Variants in SH3BGRL observed in about 807,000 individuals in gnomAD.
SH3BGRL encodes SH3 domain binding glutamate rich protein like.
In SH3BGRL, 7 loss-of-function variants were observed where a neutral mutation model predicts 9.8. The ratio of observed to expected loss-of-function variants is 0.72; its 90% CI spans 0.41 to 1.35. The LOEUF is 1.35. Ranked by LOEUF, SH3BGRL falls within the 40% of genes most tolerant of loss-of-function variation. The pLI is 0.01. For synonymous variants in SH3BGRL, 36 were observed against 29.1 expected (o/e 1.24, Z -0.76); for missense variants, 73 against 84.4 (o/e 0.86, Z 0.53).
chrX:81,203,645 A>T (rs2075536654), intron 1 of SH3BGRL, among the ~76,000 whole-genome samples: 1 of 111,716 alleles, frequency 9.0e-6, no homozygotes, highest in Non-Finnish European at 1.9e-5. Flanking sequence ...ACCCCTAATG[A>T]GACTGAACAG....
rs1356146555 is a variant in SH3BGRL at position 81,290,975 on chromosome X, T to A, written c.313-6220T>A. ...ATTTTTGCATTATTATACAACTGCT[T>A]CTCCAACTATGTATGCTATGTTTTT... On this transcript the variant is annotated intron_variant, in intron 3 of 3. Transcript: ENST00000373212. 3.6e-5 allele frequency among the ~76,000 whole-genome samples: 4 copies of A among 111,851 alleles called. No individual in the cohort carries two copies. The Admixed American group carries it at 3.8e-4, about 11-fold the overall frequency.
intron 1 of SH3BGRL, among the ~76,000 whole-genome samples, chrX:81,219,138 G>A (rs921784548): frequency 1.8e-4 from 20 of 110,177 alleles, no homozygotes; most frequent in African/African-American, 6.6e-4. Context: ...GTCACAAAAA[G>A]ATCATCACCT....
intron 1 of SH3BGRL, among the ~76,000 whole-genome samples, chrX:81,216,641 T>C (rs2075582138): frequency 9.0e-6 from 1 of 111,254 alleles, no homozygotes; most frequent in African/African-American, 3.3e-5. Flanking sequence ...TCTATCTCCA[T>C]GAGTTCAATT....
chrX:81,237,368 C>T lies in SH3BGRL; in HGVS notation c.45+35123C>T, dbSNP rs183227311. The T allele has an allele frequency of 4.3e-3, 1,274 of 294,392 alleles. 2 individuals carry two copies. Among genetic ancestry groups the T allele is most frequent in the South Asian group, 6.0e-3 (187 of 31,385 alleles). 24.3% of individuals were successfully genotyped at this position (294,392 alleles called of 1,213,427 possible). A position where few individuals can be genotyped will look rare whatever the true frequency, so the allele number is the denominator to read the frequency against. On this transcript the variant is annotated intron_variant, in intron 1 of 3. Coordinates refer to ENST00000373212, the MANE Select transcript of SH3BGRL (RefSeq NM_003022.3). ...AAAAACAGTCTTGAATCACCAGTGT[C>T]GCCCATAACTCCCTCCCCGACCAGC...
intron 1 of SH3BGRL, among the ~76,000 whole-genome samples, chrX:81,251,568 T>C (rs940023985): frequency 2.7e-5 from 3 of 111,618 alleles, no homozygotes; most frequent in African/African-American, 9.8e-5. Context: ...GTTAAACTGC[T>C]CTGAGAACTG....
intron 1 of SH3BGRL, among the ~76,000 whole-genome samples, chrX:81,220,240 C>A (rs1360926077): frequency 9.0e-6 from 1 of 111,160 alleles, no homozygotes; most frequent in African/African-American, 3.3e-5. Flanking sequence ...GCAGTGAAGC[C>A]CATCAGGTCC....
intron 1 of SH3BGRL, among the ~76,000 whole-genome samples, chrX:81,276,658 CAT>C (rs2075799140): frequency 9.0e-6 from 1 of 110,994 alleles, no homozygotes; most frequent in African/African-American, 3.3e-5. Context: ...TATCAGAAAA[CAT>C]AACTTTTCAC....
chrX:81,265,905 C>T (rs1438637772), intron 1 of SH3BGRL, among the ~76,000 whole-genome samples: 1 of 111,416 alleles, frequency 9.0e-6, no homozygotes, highest in Non-Finnish European at 1.9e-5. Flanking sequence ...GCCATTCTAA[C>T]TGGCGATCTC....
intron 1 of SH3BGRL, among the ~76,000 whole-genome samples, chrX:81,222,744 C>T (rs1362521196): frequency 9.0e-6 from 1 of 111,546 alleles, no homozygotes; most frequent in East Asian, 2.8e-4. Flanking sequence ...TGAGGAATCG[C>T]CACACTGACT....
intron 1 of SH3BGRL, among the ~76,000 whole-genome samples, chrX:81,211,325 C>T (rs960190105): frequency 3.6e-5 from 4 of 111,949 alleles, no homozygotes; most frequent in Admixed American, 1.9e-4. Context: ...TGGCTCACGC[C>T]TGTAATCTCA....
intron 3 of SH3BGRL, among the ~76,000 whole-genome samples, chrX:81,281,773 A>G (rs1327509682): frequency 8.9e-6 from 1 of 112,138 alleles, no homozygotes; most frequent in Non-Finnish European, 1.9e-5. Flanking sequence ...AAAAAACAAC[A>G]ATGAAAAAAT....
chrX:81,274,465 G>A (rs894968846), intron 1 of SH3BGRL, among the ~76,000 whole-genome samples: 3 of 110,433 alleles, frequency 2.7e-5, no homozygotes, highest in Non-Finnish European at 5.7e-5. Flanking sequence ...ACAAAAATTA[G>A]CCGGGTTTGG....
At chrX:81,278,472 C>A in intron 3 of SH3BGRL, 61 bp downstream of exon 3, 1 of 739,324 alleles carries the variant, frequency 1.4e-6, no homozygotes, top group Non-Finnish European at 2.0e-6. Flanking sequence ...CTTTTTTAAT[C>A]AGTAAGATTT....
chrX:81,270,147 C>A (rs1174176526), intron 1 of SH3BGRL, among the ~76,000 whole-genome samples: 1 of 110,815 alleles, frequency 9.0e-6, no homozygotes, highest in Non-Finnish European at 1.9e-5. Context: ...TTTTATCCTC[C>A]TTGTGATGGG....
In SH3BGRL at chrX:81,278,226, G is replaced by T. The variant is rs970819812; in HGVS notation, c.232-105G>T. 5.6e-6 allele frequency: 3 copies of T among 538,157 alleles called. No homozygotes were observed. The African/African-American group carries it at 7.2e-5, about 13-fold the overall frequency. The allele number at this position is 538,157 out of a possible 1,213,427, so 44.4% of individuals were successfully genotyped here. On this transcript the variant is annotated intron_variant, in intron 2 of 3. Coordinates refer to ENST00000373212, the MANE Select transcript of SH3BGRL (RefSeq NM_003022.3). Reference sequence around the variant, plus strand: ...GATCCGCCCACCTCGGCCTCCCAAAGTGTTGGGATTACAGGCGTGAGCCAC... The same window carrying T: ...GATCCGCCCACCTCGGCCTCCCAAATTGTTGGGATTACAGGCGTGAGCCAC...
chrX:81,271,868 C>T (rs2075780901), intron 1 of SH3BGRL, among the ~76,000 whole-genome samples: 1 of 111,130 alleles, frequency 9.0e-6, no homozygotes, highest in African/African-American at 3.3e-5. Flanking sequence ...AAAGGTGTAT[C>T]TTGCTGTGGT....
intron 1 of SH3BGRL, among the ~76,000 whole-genome samples, chrX:81,261,604 C>T (rs1013507551): frequency 1.4e-4 from 16 of 111,388 alleles, no homozygotes; most frequent in Middle Eastern, 4.6e-3. Context: ...AAAGCAGATG[C>T]TATCTCTTTA....
At chrX:81,272,061 G>A (rs1450654469) in intron 1 of SH3BGRL, among the ~76,000 whole-genome samples, 1 of 109,280 alleles carries the variant, frequency 9.2e-6, no homozygotes, top group Non-Finnish European at 1.9e-5. Context: ...GCCAGGCATG[G>A]TGGCGGATGC....
At chrX:81,293,461 T>A (rs958273517) in intron 3 of SH3BGRL, among the ~76,000 whole-genome samples, 3 of 111,536 alleles carry the variant, frequency 2.7e-5, no homozygotes, top group African/African-American at 9.8e-5. Flanking sequence ...GGCAGGTGGA[T>A]CACTTGAGAT....
Sources: allele counts gnomAD v4.1 joint callset (sites outside exome capture counted in the v4.1 genomes callset), GRCh38; gene constraint gnomAD v4.1.1; transcripts MANE v1.5; gene names NCBI Gene and HGNC (gene_info 2026-07-23, HGNC 2026-07-21).